The following DSCAM variants were observed in gnomAD, a reference collection of about 807,000 sequenced individuals.
DSCAM encodes cell adhesion molecule DSCAM.
Under a neutral mutation model 217.7 loss-of-function variants are expected in DSCAM, and 47 were observed. The observed-to-expected ratio is 0.22, with a 90% CI of 0.17 to 0.28. The LOEUF is 0.28. Ranked by LOEUF, DSCAM falls within the 10% of genes least tolerant of loss-of-function variation. The pLI, the probability that DSCAM is intolerant of heterozygous loss-of-function variation, is 1.00. For missense variants in DSCAM, 2,080 were observed against 2,618.3 expected, an observed-to-expected ratio of 0.79 and a Z score of 4.49; for synonymous variants, 1,056 against 1,015.3, an observed-to-expected ratio of 1.04 and a Z score of -0.76.
chr21:40,772,862 A>G (rs2091457921), intron 1 of DSCAM, among the ~76,000 whole-genome samples: 2 of 152,186 alleles, frequency 1.3e-5, no homozygotes, highest in South Asian at 4.1e-4. Context: ...AGAAATAACG[A>G]TTGCCATAAT....
intron 1 of DSCAM, among the ~76,000 whole-genome samples, chr21:40,733,688 C>T (rs569046194): frequency 2.0e-4 from 31 of 152,264 alleles, no homozygotes; most frequent in African/African-American, 6.0e-4. Flanking sequence ...GAAAGTGACA[C>T]GCCTCCTTTT....
chr21:40,450,157 T>A (rs926907127), intron 3 of DSCAM, among the ~76,000 whole-genome samples: 1 of 152,082 alleles, frequency 6.6e-6, no homozygotes, highest in Admixed American at 6.6e-5. Flanking sequence ...TAAAAAAAAA[T>A]TTTCTTCACA....
intron 10 of DSCAM, among the ~76,000 whole-genome samples, 184 bp downstream of exon 10, chr21:40,295,871 G>A (rs1021435207): frequency 5.3e-5 from 8 of 152,226 alleles, no homozygotes; most frequent in African/African-American, 1.4e-4. Context: ...GACACGTTGT[G>A]TGTCTGAATA....
chr21:40,319,456 T>C (rs1368209959), intron 8 of DSCAM, among the ~76,000 whole-genome samples: 2 of 152,144 alleles, frequency 1.3e-5, no homozygotes, highest in Admixed American at 6.6e-5. Context: ...TGTGTGTATG[T>C]GTGTGTGACA....
intron 11 of DSCAM, among the ~76,000 whole-genome samples, chr21:40,194,313 A>T (rs144714737): frequency 4.6e-5 from 7 of 152,244 alleles, no homozygotes; most frequent in African/African-American, 1.7e-4. Flanking sequence ...GGAAAAAATG[A>T]ATCATTACCA....
chr21:40,496,105 A>C (rs911212967), intron 3 of DSCAM, among the ~76,000 whole-genome samples: 4 of 152,206 alleles, frequency 2.6e-5, no homozygotes, highest in Non-Finnish European at 5.9e-5. Flanking sequence ...TATTACCCAA[A>C]GTGATCTACA....
rs961226676 is a variant in DSCAM, at chr21:40,013,178, C to G, written c.5895G>C (p.Pro1965=). 6.2e-7 allele frequency: 1 copy of G among 1,613,276 alleles called. No homozygotes were observed. The highest frequency in any genetic ancestry group is 1.1e-5 in the South Asian group (1 of 90,870). ...SSTREGQSWQ[P]GAVATLPQRE... is the part of the protein sequence containing the mutation. ...GCTGAGGTAATGTGGCCACGGCCCC[C>G]GGCTGCCACGACTGTCCTTCTCTCG... The change falls in exon 33 of 33, where the codon CCG becomes CCC. Residue 1965 remains proline (P), a synonymous_variant. Coordinates refer to ENST00000400454, the MANE Select transcript of DSCAM (RefSeq NM_001389.5).
At chr21:40,047,398 T>A (rs1166410006) in intron 30 of DSCAM, among the ~76,000 whole-genome samples, 1 of 152,208 alleles carries the variant, frequency 6.6e-6, no homozygotes, top group Non-Finnish European at 1.5e-5. Context: ...GCTCCCAGCA[T>A]TCTAATATAA....
chr21:40,550,520 A>C (rs1373676218), intron 3 of DSCAM, among the ~76,000 whole-genome samples: 1 of 152,178 alleles, frequency 6.6e-6, no homozygotes, highest in African/African-American at 2.4e-5. Flanking sequence ...GCAAGAATCC[A>C]TCTCAAAAAA....
chr21:40,284,847 C>T (rs1207663537), intron 10 of DSCAM, among the ~76,000 whole-genome samples: 2 of 152,162 alleles, frequency 1.3e-5, no homozygotes, highest in Non-Finnish European at 2.9e-5. Flanking sequence ...TGTAAATGTG[C>T]ACATAATTGT....
At chr21:40,311,995 T>C (rs1039879887) in intron 9 of DSCAM, 86 bp downstream of exon 9, 9 of 1,197,196 alleles carry the variant, frequency 7.5e-6, no homozygotes, top group African/African-American at 1.6e-5. Flanking sequence ...GTTCCAGTTA[T>C]TTTCGAAATA....
intron 3 of DSCAM, among the ~76,000 whole-genome samples, chr21:40,642,827 C>CAATT (rs1447025246): frequency 6.6e-6 from 1 of 152,084 alleles, no homozygotes; most frequent in Non-Finnish European, 1.5e-5. Flanking sequence ...TGAGTTCAAG[C>CAATT]AATTGGCTCA....
At chr21:40,145,009 G>A (rs568607743) in intron 16 of DSCAM, among the ~76,000 whole-genome samples, 9 of 152,300 alleles carry the variant, frequency 5.9e-5, no homozygotes, top group Middle Eastern at 3.4e-3. Flanking sequence ...TGGCAGGAGC[G>A]GAATCTGAAC....
intron 20 of DSCAM, among the ~76,000 whole-genome samples, chr21:40,102,783 G>A (rs564542798): frequency 6.6e-4 from 101 of 152,296 alleles, no homozygotes; most frequent in Non-Finnish European, 7.2e-4. Flanking sequence ...AGCTGCACTT[G>A]TAAGACCTTG....
intron 8 of DSCAM, among the ~76,000 whole-genome samples, chr21:40,315,139 C>T (rs2074181659): frequency 6.6e-6 from 1 of 152,118 alleles, no homozygotes; most frequent in Non-Finnish European, 1.5e-5. Flanking sequence ...TGGCTCACGC[C>T]TGTAATCCCA....
chr21:40,597,654 C>G (rs929209575), intron 3 of DSCAM, among the ~76,000 whole-genome samples: 2 of 151,612 alleles, frequency 1.3e-5, no homozygotes, highest in Non-Finnish European at 2.9e-5. Flanking sequence ...CTACAGGTGC[C>G]CACCACCACG....
intron 3 of DSCAM, among the ~76,000 whole-genome samples, chr21:40,457,617 C>T (rs2075774499): frequency 6.6e-6 from 1 of 152,052 alleles, no homozygotes; most frequent in African/African-American, 2.4e-5. Context: ...CTAAAAACAT[C>T]CCACATTTTC....
At chr21:40,601,199 A>G (rs2077059247) in intron 3 of DSCAM, among the ~76,000 whole-genome samples, 1 of 152,204 alleles carries the variant, frequency 6.6e-6, no homozygotes, top group African/African-American at 2.4e-5. Context: ...CTATTTCATT[A>G]GAGTTTTGTA....
intron 3 of DSCAM, among the ~76,000 whole-genome samples, chr21:40,482,669 G>A (rs1200944799): frequency 6.6e-6 from 1 of 152,152 alleles, no homozygotes; most frequent in Non-Finnish European, 1.5e-5. Context: ...CCAGGAGGTG[G>A]ACCCTGACAG....
Sources: gnomAD v4.1 joint callset for allele counts (sites outside exome capture counted in the v4.1 genomes callset) on GRCh38, gnomAD v4.1.1 for gene constraint, MANE v1.5 for transcripts, NCBI Gene and HGNC (gene_info 2026-07-23, HGNC 2026-07-21) for gene names.